ASIC2: variants seen among roughly 807,000 people sequenced by gnomAD.
ASIC2 encodes the protein acid-sensing ion channel 2.
A neutral mutation model predicts 57.3 loss-of-function variants in ASIC2; 25 were observed. The observed-to-expected ratio is 0.44, with a 90% confidence interval of 0.32 to 0.61. The LOEUF is 0.61. Among genes scored for constraint, ASIC2 ranks in the 20% least tolerant of loss-of-function variants. The pLI is 0.06. For missense variants in ASIC2, 641 were observed against 738.1 expected, an observed-to-expected ratio of 0.87 and a Z score of 1.52; for synonymous variants, 319 against 307.5, an observed-to-expected ratio of 1.04 and a Z score of -0.39.
intron 1 of ASIC2, among the ~76,000 whole-genome samples, chr17:34,081,288 G>C (rs1330616947): frequency 6.6e-6 from 1 of 152,160 alleles, no homozygotes; most frequent in Non-Finnish European, 1.5e-5. Flanking sequence ...AGACATTATA[G>C]TGGTAAGAAG....
rs539861304 is a variant in ASIC2, at chr17:33,822,326, T to G, written c.555+333652A>C. On this transcript the variant is annotated intron_variant, in intron 1 of 9. Coordinates refer to the ASIC2 transcript ENST00000359872. ...CTTTAGATGAATAAAGCATGCACTT[T>G]TTCTGGCTTGTTTCCTTGCCTCTGT... Among the ~76,000 whole-genome samples, 4 of 152,302 alleles carry G rather than the reference T, an allele frequency of 2.6e-5. No homozygotes were observed. The East Asian group carries it at 7.7e-4, about 29-fold the overall frequency.
At chr17:33,813,724 C>T (rs1912495743) in intron 1 of ASIC2, among the ~76,000 whole-genome samples, 1 of 152,270 alleles carries the variant, frequency 6.6e-6, no homozygotes, top group African/African-American at 2.4e-5. Flanking sequence ...GCGTGAGCCA[C>T]TGCGCCCGGC....
intron 1 of ASIC2, among the ~76,000 whole-genome samples, chr17:33,449,152 G>A (rs769095513): frequency 1.3e-5 from 2 of 152,146 alleles, no homozygotes; most frequent in Non-Finnish European, 1.5e-5. Context: ...GACCCTTTGA[G>A]GTTGAGAATA....
chr17:33,392,803 A>G (rs1909947913), intron 1 of ASIC2, among the ~76,000 whole-genome samples: 1 of 152,138 alleles, frequency 6.6e-6, no homozygotes, highest in East Asian at 1.9e-4. Flanking sequence ...TTGGATATCT[A>G]TGGGCATTCC....
intron 1 of ASIC2, among the ~76,000 whole-genome samples, chr17:33,633,143 C>T (rs2142028307): frequency 6.6e-6 from 1 of 152,306 alleles, no homozygotes; most frequent in South Asian, 2.1e-4. Flanking sequence ...GGTCGGGTCT[C>T]CAGGGAGTCA....
At chr17:33,735,219 A>G (rs1319032673) in intron 1 of ASIC2, among the ~76,000 whole-genome samples, 4 of 151,966 alleles carry the variant, frequency 2.6e-5, no homozygotes, top group African/African-American at 4.8e-5. Flanking sequence ...CTTATTTTCT[A>G]TCTTCCTCAC....
chr17:33,846,726 C>CT (rs71144902), intron 1 of ASIC2, among the ~76,000 whole-genome samples: 2,169 of 143,600 alleles, frequency 0.015, 42 homozygotes, highest in African/African-American at 0.044. Context: ...TCAGTGATAA[C>CT]TTTTTTTTTT....
chr17:33,318,495 G>A (rs908191204), intron 1 of ASIC2, among the ~76,000 whole-genome samples: 6 of 152,146 alleles, frequency 3.9e-5, no homozygotes, highest in South Asian at 2.1e-4. Context: ...GCCCTCCCTC[G>A]TTTGGGTGAC....
At chr17:33,017,167 A>G (rs567402601) in intron 8 of ASIC2, among the ~76,000 whole-genome samples, 1 of 152,310 alleles carries the variant, frequency 6.6e-6, no homozygotes, top group Non-Finnish European at 1.5e-5. Context: ...CACAGAGGAC[A>G]TGACTCAGGT....
intron 1 of ASIC2, among the ~76,000 whole-genome samples, chr17:33,696,210 C>T (rs917277335): frequency 4.2e-4 from 60 of 142,646 alleles, no homozygotes; most frequent in African/African-American, 1.6e-3. Flanking sequence ...GGGTCAGCAT[C>T]GTTTTTAAAC....
At chr17:33,279,001 G>A (rs1297210765) in intron 1 of ASIC2, among the ~76,000 whole-genome samples, 4 of 152,174 alleles carry the variant, frequency 2.6e-5, no homozygotes, top group Admixed American at 6.5e-5. Context: ...TGAGTTTTGC[G>A]TGGTTGAAAG....
rs180920773 is a variant in ASIC2 at position 33,306,015 on chromosome 17, G to A, written c.556-193948C>T. On this transcript the variant is annotated intron_variant, in intron 1 of 9. Transcript: ENST00000359872. Reference sequence around the variant, plus strand: ...TTGCAGCCAGTTGGGTTATGTTGTCGATATTTAGTCATTCTATAAAAGGGA... The same window carrying A: ...TTGCAGCCAGTTGGGTTATGTTGTCAATATTTAGTCATTCTATAAAAGGGA... Among the ~76,000 whole-genome samples, 13 of 152,234 alleles carry A rather than the reference G, an allele frequency of 8.5e-5. No homozygotes were observed. The East Asian group carries it at 1.7e-3, about 20-fold the overall frequency.
chr17:33,227,936 C>T (rs1306817745), intron 1 of ASIC2, among the ~76,000 whole-genome samples: 1 of 152,142 alleles, frequency 6.6e-6, no homozygotes, highest in East Asian at 1.9e-4. Context: ...GAGATCACTT[C>T]TCACTGCAGG....
intron 1 of ASIC2, among the ~76,000 whole-genome samples, chr17:33,195,703 A>G (rs1008782286): frequency 2.0e-5 from 3 of 152,200 alleles, no homozygotes; most frequent in Non-Finnish European, 2.9e-5. Flanking sequence ...CTGTGCAGAC[A>G]GGGAAACTGA....
At chr17:33,307,793 C>G (rs1906245951) in intron 1 of ASIC2, among the ~76,000 whole-genome samples, 1 of 151,340 alleles carries the variant, frequency 6.6e-6, no homozygotes, top group Non-Finnish European at 1.5e-5. Context: ...ATAATAATAC[C>G]TGCCTTGCAG....
intron 3 of ASIC2, among the ~76,000 whole-genome samples, chr17:33,034,645 T>A (rs905892925): frequency 6.6e-6 from 1 of 152,226 alleles, no homozygotes; most frequent in Admixed American, 6.5e-5. Context: ...AAGGTGTTAT[T>A]CCTCTGTCTT....
At chr17:34,016,423 C>CA (rs398041640) in intron 1 of ASIC2, among the ~76,000 whole-genome samples, 5,338 of 39,924 alleles carry the variant, frequency 0.13, 472 homozygotes, top group Non-Finnish European at 0.18. Flanking sequence ...GACTCCGTCT[C>CA]AAAAAAAAAA....
chr17:33,061,254 A>G (rs1182441049), intron 3 of ASIC2, among the ~76,000 whole-genome samples: 1 of 152,304 alleles, frequency 6.6e-6, no homozygotes, highest in East Asian at 1.9e-4. Context: ...TTCAAAGGGA[A>G]TGCTTCCAGT....
chr17:33,042,939 T>G (rs2091935430), intron 3 of ASIC2, among the ~76,000 whole-genome samples: 1 of 152,158 alleles, frequency 6.6e-6, no homozygotes, highest in African/African-American at 2.4e-5. Flanking sequence ...TTTTGTTTTT[T>G]TTTTTTGAGA....
Sources: gnomAD v4.1 joint callset for allele counts (sites outside exome capture counted in the v4.1 genomes callset) on GRCh38, gnomAD v4.1.1 for gene constraint, MANE v1.5 for transcripts, NCBI Gene and HGNC (gene_info 2026-07-23, HGNC 2026-07-21) for gene names.